The following CORO2B variants were observed in gnomAD, a reference collection of about 807,000 sequenced individuals.
The protein encoded by CORO2B is coronin-2B.
In CORO2B, 26 loss-of-function variants were observed where a neutral mutation model predicts 58.8. The observed-to-expected ratio is 0.44, with a 90% confidence interval of 0.32 to 0.61. The LOEUF (loss-of-function observed/expected upper bound fraction) is 0.61. Among genes scored for constraint, CORO2B ranks in the 20% least tolerant of loss-of-function variants. The pLI is 0.04. For missense variants in CORO2B, 460 were observed against 645.1 expected (o/e 0.71, Z 3.11); for synonymous variants, 242 against 253.8 (o/e 0.95, Z 0.44).
At chr15:68,687,322 T>A (rs1903016995) in intron 2 of CORO2B, among the ~76,000 whole-genome samples, 1 of 152,218 alleles carries the variant, frequency 6.6e-6, no homozygotes, top group Admixed American at 6.5e-5. Context: ...TAAGAAAACA[T>A]TTTGCTTCCA....
intron 1 of CORO2B, among the ~76,000 whole-genome samples, chr15:68,628,855 G>T (rs1900752527): frequency 6.6e-6 from 1 of 152,214 alleles, no homozygotes; most frequent in African/African-American, 2.4e-5. Context: ...GAGGCTTTCT[G>T]CTGAGAGGGA....
At position 68,695,242 on chromosome 15, in the gene CORO2B, T is replaced by G; in HGVS notation, c.319T>G (p.Ser107Ala). Reference sequence around the variant, plus strand: ...CATCGACAACATCATTGCCTCGTGCTCGGAGGACACGTCGGTGAGCAGAGG... The same window carrying G: ...CATCGACAACATCATTGCCTCGTGCGCGGAGGACACGTCGGTGAGCAGAGG... ...PFIDNIIASCSEDTSVRIWEI... is the reference protein window; with the variant it reads ...PFIDNIIASCAEDTSVRIWEI... Residue 107 changes from serine (S) to alanine (A), a missense_variant, in exon 3 of 12, where the codon TCG (serine) becomes GCG (alanine). Ser to Ala is a moderately conservative substitution (Grantham distance 99, BLOSUM62 1). Coordinates refer to ENST00000261861, the MANE Select transcript of CORO2B (RefSeq NM_006091.5). The G allele has an allele frequency of 6.2e-7, 1 of 1,613,866 alleles. No homozygotes were observed. Among genetic ancestry groups the G allele is most frequent in the Non-Finnish European group, 8.5e-7 (1 of 1,179,872 alleles).
At position 68,713,928 on chromosome 15, in the gene CORO2B, G is replaced by A; in HGVS notation, c.652G>A (p.Ala218Thr). The change falls in exon 6 of 12, where the codon GCC (alanine) becomes ACC (threonine). Residue 218 changes from alanine (A) to threonine (T), a missense_variant. This residue lies in a region of CORO2B where 352 missense variants were observed against 543.0 expected (regional missense o/e 0.65). Transcript: ENST00000261861. ...EPRSGRVLQEANCKNHRVNRV... is the reference protein window; with the variant it reads ...EPRSGRVLQETNCKNHRVNRV... Reference sequence around the variant, plus strand: ...CACCTCCCTCTGTTCCTACTAGGAGGCCAACTGCAAAAACCACAGAGTGAA... The same window carrying A: ...CACCTCCCTCTGTTCCTACTAGGAGACCAACTGCAAAAACCACAGAGTGAA... 1 of 1,613,370 alleles carries A rather than the reference G, an allele frequency of 6.2e-7. No individual in the cohort carries two copies. Among genetic ancestry groups the A allele is most frequent in the Non-Finnish European group, 8.5e-7 (1 of 1,179,418 alleles).
At chr15:68,714,917 CAGTGA>C (rs1225683918) in intron 7 of CORO2B, among the ~76,000 whole-genome samples, 2 of 152,168 alleles carry the variant, frequency 1.3e-5, no homozygotes, top group Non-Finnish European at 2.9e-5. Context: ...GCAGTGTAGT[CAGTGA>C]TGAATGATGG....
At chr15:68,670,460 A>G (rs1902354409) in intron 2 of CORO2B, among the ~76,000 whole-genome samples, 1 of 152,196 alleles carries the variant, frequency 6.6e-6, no homozygotes, top group African/African-American at 2.4e-5. Flanking sequence ...GATTACAGGC[A>G]TGAGCCATCG....
chr15:68,621,546 G>A (rs1239748674), intron 1 of CORO2B, among the ~76,000 whole-genome samples: 2 of 152,214 alleles, frequency 1.3e-5, no homozygotes, highest in Non-Finnish European at 2.9e-5. Context: ...GTGCACCTGG[G>A]ATGGGAATGA....
chr15:68,636,440 G>A (rs1190016000), intron 1 of CORO2B, among the ~76,000 whole-genome samples: 2 of 152,166 alleles, frequency 1.3e-5, no homozygotes, highest in African/African-American at 4.8e-5. Context: ...TGCATGCTGC[G>A]TATCCTCCCC....
chr15:68,712,334 AGTCC>A (rs558233499), intron 5 of CORO2B, among the ~76,000 whole-genome samples: 147 of 152,338 alleles, frequency 9.6e-4, no homozygotes, highest in African/African-American at 3.4e-3. Context: ...ACCTTGGAAT[AGTCC>A]AATATTACAA....
intron 2 of CORO2B, among the ~76,000 whole-genome samples, chr15:68,684,969 A>G (rs537610358): frequency 1.3e-5 from 2 of 152,194 alleles, no homozygotes; most frequent in Admixed American, 6.5e-5. Context: ...ACCTAATCAG[A>G]TGGTCTGGAA....
intron 2 of CORO2B, among the ~76,000 whole-genome samples, chr15:68,664,272 A>G (rs1902111686): frequency 6.6e-6 from 1 of 152,120 alleles, no homozygotes; most frequent in African/African-American, 2.4e-5. Context: ...ATGTTGACAA[A>G]ATTGCTTTCC....
At chr15:68,579,499 C>T (rs1343286981) in intron 1 of CORO2B, among the ~76,000 whole-genome samples, 1 of 152,180 alleles carries the variant, frequency 6.6e-6, no homozygotes, top group African/African-American at 2.4e-5. Flanking sequence ...GCGGTTTGGC[C>T]AACATCCCTC....
chr15:68,612,852 C>T (rs532160086), intron 1 of CORO2B, among the ~76,000 whole-genome samples: 1 of 152,324 alleles, frequency 6.6e-6, no homozygotes, highest in East Asian at 1.9e-4. Flanking sequence ...AGAAAGGTGA[C>T]AGTATCTGGT....
chr15:68,721,855 A>T (rs1893170342), intron 11 of CORO2B, among the ~76,000 whole-genome samples: 2 of 152,090 alleles, frequency 1.3e-5, no homozygotes, highest in Admixed American at 1.3e-4. Flanking sequence ...TCAAGCAATA[A>T]TCCCACCTTA....
intron 1 of CORO2B, among the ~76,000 whole-genome samples, chr15:68,584,996 C>T (rs372112379): frequency 1.3e-5 from 2 of 152,202 alleles, no homozygotes; most frequent in African/African-American, 2.4e-5. Flanking sequence ...AAGCCACCAC[C>T]GCCCTTCCTC....
intron 1 of CORO2B, among the ~76,000 whole-genome samples, chr15:68,635,233 G>T (rs1469644297): frequency 6.6e-6 from 1 of 152,172 alleles, no homozygotes; most frequent in Non-Finnish European, 1.5e-5. Flanking sequence ...GGCTAAGGGG[G>T]TGCAAGTTGG....
At chr15:68,683,363 G>A (rs1902853819) in intron 2 of CORO2B, among the ~76,000 whole-genome samples, 1 of 152,228 alleles carries the variant, frequency 6.6e-6, no homozygotes, top group South Asian at 2.1e-4. Context: ...ACTCCCACCT[G>A]CTTGGAGAGC....
intron 1 of CORO2B, chr15:68,632,019 G>A: frequency 1.0e-6 from 1 of 985,474 alleles, no homozygotes; most frequent in Non-Finnish European, 1.2e-6. Flanking sequence ...TAATGAGGGA[G>A]GCAGGGCTAG....
intron 3 of CORO2B, among the ~76,000 whole-genome samples, chr15:68,707,023 C>G (rs1418523458): frequency 1.3e-5 from 2 of 152,130 alleles, no homozygotes; most frequent in Admixed American, 1.3e-4. Context: ...TGCAGTGGCA[C>G]AATCTCGGCT....
At chr15:68,578,974 C>CCTCTCCCT (rs1008973365), upstream of CORO2B, 148 of 965,692 alleles carry the variant, frequency 1.5e-4, no homozygotes, top group Non-Finnish European at 1.7e-4. This position sits in a 1 kb window ranked among gnomAD's most constrained non-coding sequence, Gnocchi z 4.2. Context: ...CAGCCCGGGC[C>CCTCTCCCT]CTCTCCCTCT....
Sources: gnomAD v4.1 joint callset for allele counts (sites outside exome capture counted in the v4.1 genomes callset) on GRCh38, gnomAD v4.1.1 for gene constraint, gnomAD v4.1.1 regional missense constraint, Gnocchi (gnomAD v3.1) non-coding constraint, MANE v1.5 for transcripts, NCBI Gene and HGNC (gene_info 2026-07-23, HGNC 2026-07-21) for gene names.